Variants in ASIC2 observed in about 807,000 individuals in gnomAD.
ASIC2 encodes the protein acid sensing ion channel subunit 2, also known as acid-sensing ion channel 2.
A neutral mutation model predicts 57.3 loss-of-function variants in ASIC2; 25 were observed. The ratio of observed to expected loss-of-function variants is 0.44; its 90% confidence interval spans 0.32 to 0.61. The LOEUF (loss-of-function observed/expected upper bound fraction) is 0.61, where lower values mean the gene tolerates loss of function less well. ASIC2 is among the 20% of genes least tolerant of loss of function. The pLI is 0.06. For synonymous variants in ASIC2, 319 were observed against 307.5 expected, an observed-to-expected ratio of 1.04 and a Z score of -0.39; for missense variants, 641 against 738.1, an observed-to-expected ratio of 0.87 and a Z score of 1.52.
intron 1 of ASIC2, among the ~76,000 whole-genome samples, chr17:33,833,223 A>C (rs1597894987): frequency 6.6e-6 from 1 of 152,354 alleles, no homozygotes; most frequent in East Asian, 1.9e-4. Context: ...TACCTCCATA[A>C]GATGATAAGC....
chr17:34,105,130 T>C (rs12935939), intron 1 of ASIC2, among the ~76,000 whole-genome samples: 162 of 152,206 alleles, frequency 1.1e-3, no homozygotes, highest in African/African-American at 3.4e-3. Flanking sequence ...GGTATAGTTA[T>C]TCAGAATTTC....
rs188866255 is a variant in ASIC2, at chr17:33,997,454, C to T, written c.555+158524G>A. Among the ~76,000 whole-genome samples, 3 of 151,372 alleles carry T rather than the reference C, an allele frequency of 2.0e-5. No individual in the cohort carries two copies. In the East Asian group the frequency reaches 5.8e-4, roughly 29 times the overall value. On this transcript the variant is annotated intron_variant, in intron 1 of 9. Coordinates refer to the ASIC2 transcript ENST00000359872. Reference sequence around the variant, plus strand: ...CAGGTGTGAGCCACCATGCCTGGCTCTACATTTATTTCTTTTAGATATTTT... The same window carrying T: ...CAGGTGTGAGCCACCATGCCTGGCTTTACATTTATTTCTTTTAGATATTTT...
rs111861100 is a variant in ASIC2, at chr17:33,446,830, C to T, written c.556-334763G>A. Among the ~76,000 whole-genome samples, 623 of 152,306 alleles carry T rather than the reference C, an allele frequency of 4.1e-3. 3 individuals carry two copies. The highest frequency in any genetic ancestry group is 0.014 in the African/African-American group (599 of 41,576). Reference sequence around the variant, plus strand: ...TCAGTAGACCTGTGTCAATTCTTGGCGCTGCCTCTTAGTCGTGGCATGGTC... The same window carrying T: ...TCAGTAGACCTGTGTCAATTCTTGGTGCTGCCTCTTAGTCGTGGCATGGTC... On this transcript the variant is annotated intron_variant, in intron 1 of 9. Coordinates refer to the ASIC2 transcript ENST00000359872.
At chr17:33,702,858 C>T (rs1248321895) in intron 1 of ASIC2, among the ~76,000 whole-genome samples, 2 of 152,200 alleles carry the variant, frequency 1.3e-5, no homozygotes, top group African/African-American at 4.8e-5. Flanking sequence ...TGAGCATCCT[C>T]TGTATGCCAG....
At chr17:33,925,724 C>T (rs755794245) in intron 1 of ASIC2, among the ~76,000 whole-genome samples, 2 of 152,198 alleles carry the variant, frequency 1.3e-5, no homozygotes, top group South Asian at 2.1e-4. Flanking sequence ...CTTTCCAAAT[C>T]CTCCCAGACT....
chr17:33,738,704 G>C (rs1597856193), intron 1 of ASIC2, among the ~76,000 whole-genome samples: 1 of 152,116 alleles, frequency 6.6e-6, no homozygotes, highest in Non-Finnish European at 1.5e-5. Flanking sequence ...TCCTAGGGTG[G>C]GGACGTATAG....
intron 2 of ASIC2, among the ~76,000 whole-genome samples, chr17:33,096,872 G>A (rs1476207179): frequency 2.0e-5 from 3 of 152,216 alleles, no homozygotes; most frequent in African/African-American, 4.8e-5. Context: ...TGCACACTGG[G>A]GCGCTTCAAG....
chr17:33,499,159 T>C (rs1440091769), intron 1 of ASIC2, among the ~76,000 whole-genome samples: 1 of 152,200 alleles, frequency 6.6e-6, no homozygotes, highest in Non-Finnish European at 1.5e-5. Context: ...AGTGGGGGTG[T>C]CTACATCTCC....
At chr17:33,528,285 A>T (rs1015768390) in intron 1 of ASIC2, among the ~76,000 whole-genome samples, 3 of 151,106 alleles carry the variant, frequency 2.0e-5, no homozygotes, top group African/African-American at 4.9e-5. Context: ...GGGCCATCAC[A>T]TGGGCTTCCT....
intron 1 of ASIC2, among the ~76,000 whole-genome samples, chr17:33,445,677 A>T (rs972565376): frequency 2.6e-5 from 4 of 151,902 alleles, no homozygotes; most frequent in African/African-American, 7.3e-5. Context: ...CATGCCTGTA[A>T]TCCCAGCTAC....
chr17:33,038,450 G>T (rs1958259235), intron 3 of ASIC2, among the ~76,000 whole-genome samples: 1 of 152,178 alleles, frequency 6.6e-6, no homozygotes, highest in African/African-American at 2.4e-5. Context: ...CTGGGAGAGA[G>T]ATCTGGGCTA....
chr17:33,167,883 A>G (rs1905362389), intron 1 of ASIC2, among the ~76,000 whole-genome samples: 1 of 152,214 alleles, frequency 6.6e-6, no homozygotes, highest in Non-Finnish European at 1.5e-5. Flanking sequence ...ATTTCTAACC[A>G]GATGCTATTG....
At chr17:33,215,340 G>T (rs1477822705) in intron 1 of ASIC2, among the ~76,000 whole-genome samples, 2 of 152,190 alleles carry the variant, frequency 1.3e-5, no homozygotes, top group Non-Finnish European at 2.9e-5. Flanking sequence ...CTATCCTAAA[G>T]AGTCTTGAAA....
At chr17:33,516,346 A>ATGTG (rs33997140) in intron 1 of ASIC2, among the ~76,000 whole-genome samples, 3 of 149,704 alleles carry the variant, frequency 2.0e-5, no homozygotes, top group African/African-American at 7.4e-5. Context: ...GTGTGTTTGT[A>ATGTG]TGTGTGTGTG....
chr17:33,258,551 C>T (rs1054384195), intron 1 of ASIC2, among the ~76,000 whole-genome samples: 41 of 151,990 alleles, frequency 2.7e-4, no homozygotes, highest in African/African-American at 8.5e-4. Context: ...GAGGAGTATT[C>T]CTGGCAGAAG....
chr17:33,604,191 A>G (rs1367412696), intron 1 of ASIC2, among the ~76,000 whole-genome samples: 1 of 152,218 alleles, frequency 6.6e-6, no homozygotes, highest in African/African-American at 2.4e-5. Flanking sequence ...CAGGCATGCA[A>G]AAAATACCTA....
chr17:33,205,408 T>C (rs906815725), intron 1 of ASIC2, among the ~76,000 whole-genome samples: 13 of 152,228 alleles, frequency 8.5e-5, no homozygotes, highest in African/African-American at 3.1e-4. Flanking sequence ...TTTTCAGTTT[T>C]AGAAATTGAC....
chr17:33,185,518 T>G (rs1370316471), intron 1 of ASIC2, among the ~76,000 whole-genome samples: 1 of 152,096 alleles, frequency 6.6e-6, no homozygotes, highest in African/African-American at 2.4e-5. Context: ...GTGATCGCCC[T>G]GCCTTACTGC....
intron 1 of ASIC2, among the ~76,000 whole-genome samples, chr17:33,690,146 C>A (rs1289480596): frequency 6.6e-6 from 1 of 152,216 alleles, no homozygotes; most frequent in Non-Finnish European, 1.5e-5. Flanking sequence ...GCTTTTTTAA[C>A]TTAAAATTCT....
Sources: gnomAD v4.1 joint callset for allele counts (sites outside exome capture counted in the v4.1 genomes callset) on GRCh38, gnomAD v4.1.1 for gene constraint, MANE v1.5 for transcripts, NCBI Gene and HGNC (gene_info 2026-07-23, HGNC 2026-07-21) for gene names.